LUC7L2: variants seen among roughly 807,000 people sequenced by gnomAD.
LUC7L2 encodes the protein putative RNA-binding protein Luc7-like 2.
In LUC7L2, 25 loss-of-function variants were observed where a neutral mutation model predicts 52.8. That is an observed-to-expected ratio of 0.47 (90% confidence interval 0.34 to 0.66). LUC7L2 has a LOEUF of 0.66. Among genes scored for constraint, LUC7L2 ranks in the 30% least tolerant of loss-of-function variants. The pLI, the probability that LUC7L2 is intolerant of heterozygous loss-of-function variation, is 0.01. For synonymous variants in LUC7L2, 144 were observed against 160.9 expected (o/e 0.89, Z 0.80); for missense variants, 328 against 497.8 (o/e 0.66, Z 3.25).
chr7:139,390,755 A>C (rs185964901), intron 2 of LUC7L2, among the ~76,000 whole-genome samples: 16 of 150,534 alleles, frequency 1.1e-4, no homozygotes, highest in Middle Eastern at 3.3e-3. Context: ...ACGGGATTTC[A>C]CCGTGTTAGC....
At position 139,374,914 on chromosome 7, in the gene LUC7L2, C is replaced by G. The variant is rs564078245; in HGVS notation, c.62-1148C>G. The G allele has an allele frequency of 1.8e-5, 18 of 991,852 alleles. 1 individual carries two copies. The African/African-American group carries it at 3.0e-4, about 16-fold the overall frequency. The allele number at this position is 991,852 out of a possible 1,614,324, so 61.4% of individuals were successfully genotyped here. On this transcript the variant is annotated intron_variant, in intron 1 of 9. Transcript: ENST00000354926. ...CAGAAACTAAGTGATTGAATCACAT[C>G]CTACACGAAAGTTTTTGGAGTGCTC...
Position 139,412,550 on chromosome 7 carries a change from G to A in LUC7L2, c.780-1G>A. The stretch of plus-strand genomic sequence containing the variant: ...TAAAAATACATATTTTTTTTTTTTA[G>A]GTCCCGATCACACAGCAAGAATCCA... On this transcript the variant is annotated splice_acceptor_variant, in intron 7 of 9. Coordinates refer to ENST00000354926, the MANE Select transcript of LUC7L2 (RefSeq NM_016019.5). LOFTEE classifies it high-confidence loss of function. 6.3e-7 allele frequency: 1 copy of A among 1,592,112 alleles called. No homozygotes were observed. Among genetic ancestry groups the A allele is most frequent in the Non-Finnish European group, 8.5e-7 (1 of 1,172,720 alleles).
At position 139,377,405 on chromosome 7, in the gene LUC7L2, T is replaced by G. The variant is rs561390575; in HGVS notation, c.156+1249T>G. On this transcript the variant is annotated intron_variant, in intron 2 of 9. Transcript: ENST00000354926. ...TGTTTATTTTTATTTATTTATTTAT[T>G]TTGAGACGGAGTCTTGCTCTTCTTG... 2.6e-5 allele frequency among the ~76,000 whole-genome samples: 4 copies of G among 151,818 alleles called. No individual in the cohort carries two copies. In the South Asian group the frequency reaches 8.4e-4, roughly 32 times the overall value.
intron 1 of LUC7L2, among the ~76,000 whole-genome samples, chr7:139,361,871 C>T (rs181327385): frequency 7.9e-5 from 12 of 152,244 alleles, no homozygotes; most frequent in Admixed American, 2.6e-4. Context: ...TTACATGATC[C>T]TTTTAATCCT....
At chr7:139,381,352 A>ATATTTTATTT (rs146531298) in intron 2 of LUC7L2, among the ~76,000 whole-genome samples, 55 of 144,802 alleles carry the variant, frequency 3.8e-4, no homozygotes, top group African/African-American at 1.4e-3. Context: ...CAAATTTTAC[A>ATATTTTATTT]TATTTTATTT....
At chr7:139,395,119 A>ATAATCATGGATTATTC (rs1794603168) in intron 2 of LUC7L2, among the ~76,000 whole-genome samples, 1 of 152,212 alleles carries the variant, frequency 6.6e-6, no homozygotes, top group Non-Finnish European at 1.5e-5. Context: ...CATCATGTGA[A>ATAATCATGGATTATTC]CAGCTATAGC....
chr7:139,372,968 C>T (rs976650164), intron 1 of LUC7L2, among the ~76,000 whole-genome samples: 2 of 152,064 alleles, frequency 1.3e-5, no homozygotes, highest in African/African-American at 2.4e-5. Context: ...CTTTTTCCCC[C>T]ATAATAGGTT....
chr7:139,382,544 C>G (rs1801088890), intron 2 of LUC7L2, among the ~76,000 whole-genome samples: 1 of 152,016 alleles, frequency 6.6e-6, no homozygotes, highest in Non-Finnish European at 1.5e-5. Context: ...CCACAGCCGG[C>G]TTATTTTTGT....
chr7:139,360,853 G>GA (rs1799844227), intron 1 of LUC7L2, among the ~76,000 whole-genome samples: 1 of 152,106 alleles, frequency 6.6e-6, no homozygotes, highest in Non-Finnish European at 1.5e-5. Flanking sequence ...CATTTTTATG[G>GA]AAAATCTGAC....
At chr7:139,368,891 T>A (rs1800304150) in intron 1 of LUC7L2, among the ~76,000 whole-genome samples, 1 of 152,210 alleles carries the variant, frequency 6.6e-6, no homozygotes, top group South Asian at 2.1e-4. Flanking sequence ...GTTGTTTAGT[T>A]TTAAGGCTCA....
intron 1 of LUC7L2, chr7:139,375,413 G>A: frequency 1.0e-6 from 1 of 985,382 alleles, no homozygotes; most frequent in Non-Finnish European, 1.2e-6. Context: ...CGTTTCATTA[G>A]GCAATGTGCC....
Position 139,402,225 on chromosome 7 carries a change from T to C in LUC7L2, c.344T>C (p.Ile115Thr), listed in dbSNP as rs1421517492. 6.2e-7 allele frequency: 1 copy of C among 1,608,574 alleles called. No homozygotes were observed. The change falls in exon 4 of 10, where the codon ATT (isoleucine) becomes ACT (threonine). Residue 115 changes from isoleucine (I) to threonine (T), a missense_variant. This residue lies in a region of LUC7L2 where 133 missense variants were observed against 274.4 expected (regional missense o/e 0.48). Coordinates refer to ENST00000354926, the MANE Select transcript of LUC7L2 (RefSeq NM_016019.5). ...AGATTAGCAGAAACTCAAGAAGAGA[T>C]TAGTGCTGAAGTAGCAGCAAAGGTA... The part of the protein sequence containing the change: ...KKRLAETQEE[I>T]SAEVAAKAER...
chr7:139,395,490 T>C (rs969786232), intron 2 of LUC7L2, among the ~76,000 whole-genome samples: 4 of 152,192 alleles, frequency 2.6e-5, no homozygotes, highest in Non-Finnish European at 2.9e-5. Flanking sequence ...TACAGTACTT[T>C]AATACCATTA....
chr7:139,386,439 CTG>C (rs1794198530), intron 2 of LUC7L2, among the ~76,000 whole-genome samples: 1 of 138,328 alleles, frequency 7.2e-6, no homozygotes, highest in Non-Finnish European at 1.5e-5. Context: ...GAGTCTCACT[CTG>C]TCGTCCAGGC....
chr7:139,413,613 A>G (rs1457880135), intron 8 of LUC7L2, among the ~76,000 whole-genome samples: 1 of 152,188 alleles, frequency 6.6e-6, no homozygotes, highest in African/African-American at 2.4e-5. Flanking sequence ...CTCCATCTCT[A>G]CTAAAAACAC....
chr7:139,372,333 T>A (rs1244218914), intron 1 of LUC7L2, among the ~76,000 whole-genome samples: 1 of 152,206 alleles, frequency 6.6e-6, no homozygotes, highest in Non-Finnish European at 1.5e-5. Flanking sequence ...ATTGTTTTGC[T>A]CCCAACTCTG....
intron 1 of LUC7L2, among the ~76,000 whole-genome samples, chr7:139,365,253 C>T (rs1479930875): frequency 2.0e-5 from 3 of 152,176 alleles, no homozygotes; most frequent in Admixed American, 6.5e-5. Context: ...AACATTGCAT[C>T]GTTCCTGGAT....
chr7:139,372,415 T>C (rs1422319855), intron 1 of LUC7L2, among the ~76,000 whole-genome samples: 1 of 152,222 alleles, frequency 6.6e-6, no homozygotes, highest in Non-Finnish European at 1.5e-5. Context: ...TTCTTGCTCT[T>C]ATAAGCTTTG....
intron 9 of LUC7L2, among the ~76,000 whole-genome samples, 185 bp from the exon 10 acceptor site, chr7:139,421,978 T>A (rs1298537885): frequency 6.6e-6 from 1 of 152,220 alleles, no homozygotes; most frequent in African/African-American, 2.4e-5. Flanking sequence ...TTCACCCATC[T>A]TCTTGTTTTA....
Sources: allele counts gnomAD v4.1 joint callset (sites outside exome capture counted in the v4.1 genomes callset), GRCh38; gene constraint gnomAD v4.1.1; regional missense constraint gnomAD v4.1.1; transcripts MANE v1.5; gene names NCBI Gene and HGNC (gene_info 2026-07-23, HGNC 2026-07-21).